Variants in GPC6 observed in about 807,000 individuals in gnomAD.
GPC6 encodes the protein glypican-6.
In GPC6, 14 loss-of-function variants were observed where a neutral mutation model predicts 55.2. The observed-to-expected ratio is 0.25, with a 90% confidence interval of 0.17 to 0.40. The LOEUF is 0.40. Among genes scored for constraint, GPC6 ranks in the 10% least tolerant of loss-of-function variants. GPC6 has a pLI of 1.00. For synonymous variants in GPC6, 278 were observed against 259.6 expected (o/e 1.07, Z -0.68); for missense variants, 641 against 708.5 (o/e 0.90, Z 1.08).
intron 4 of GPC6, among the ~76,000 whole-genome samples, chr13:94,071,645 GCCTTT>G (rs1884740059): frequency 6.6e-6 from 1 of 152,170 alleles, no homozygotes; most frequent in Admixed American, 6.5e-5. Context: ...AAACAGTAAT[GCCTTT>G]CCTTAGTGTA....
At chr13:94,223,557 C>A (rs963758690) in intron 4 of GPC6, among the ~76,000 whole-genome samples, 2 of 152,106 alleles carry the variant, frequency 1.3e-5, no homozygotes, top group African/African-American at 4.8e-5. Flanking sequence ...TGCTATTCTG[C>A]CAAGATGTTT....
intron 1 of GPC6, among the ~76,000 whole-genome samples, chr13:93,469,788 A>G (rs1416375390): frequency 6.6e-6 from 1 of 151,080 alleles, no homozygotes; most frequent in Non-Finnish European, 1.5e-5. Context: ...AATTTACACT[A>G]GGTTTTTTTT....
intron 2 of GPC6, among the ~76,000 whole-genome samples, chr13:93,765,988 G>C (rs997305365): frequency 4.6e-5 from 7 of 152,132 alleles, no homozygotes; most frequent in African/African-American, 1.4e-4. Context: ...TGAGCCATAA[G>C]TTTCAACTTT....
At chr13:93,654,036 A>T (rs1038808969) in intron 2 of GPC6, among the ~76,000 whole-genome samples, 2 of 152,266 alleles carry the variant, frequency 1.3e-5, no homozygotes, top group Non-Finnish European at 2.9e-5. Context: ...TGAATTTCAC[A>T]TGTTGTTTTA....
intron 2 of GPC6, among the ~76,000 whole-genome samples, chr13:93,713,628 T>C (rs1883148179): frequency 6.6e-6 from 1 of 151,692 alleles, no homozygotes; most frequent in African/African-American, 2.4e-5. Context: ...TGATTTTATG[T>C]CATTACTAGA....
chr13:93,750,233 T>C (rs1884530915), intron 2 of GPC6, among the ~76,000 whole-genome samples: 1 of 152,192 alleles, frequency 6.6e-6, no homozygotes, highest in African/African-American at 2.4e-5. Flanking sequence ...ATTCCAATGA[T>C]CACAGTGTGT....
chr13:93,379,958 C>CA (rs58011385), intron 1 of GPC6, among the ~76,000 whole-genome samples: 95 of 129,182 alleles, frequency 7.4e-4, no homozygotes, highest in African/African-American at 1.5e-3. Flanking sequence ...AATTCTGTCT[C>CA]AAAAAAAAAA....
At chr13:93,478,326 C>G (rs1045280615) in intron 1 of GPC6, among the ~76,000 whole-genome samples, 1 of 152,042 alleles carries the variant, frequency 6.6e-6, no homozygotes, top group African/African-American at 2.4e-5. Flanking sequence ...TTGAGAAGTA[C>G]AGGTTGAATA....
chr13:93,306,535 A>T (rs1878863218), intron 1 of GPC6, among the ~76,000 whole-genome samples: 1 of 152,150 alleles, frequency 6.6e-6, no homozygotes, highest in African/African-American at 2.4e-5. Context: ...CTAAATCTTA[A>T]AAGCAAAAGT....
chr13:93,547,739 A>C (rs1874906585), intron 2 of GPC6, among the ~76,000 whole-genome samples: 1 of 151,982 alleles, frequency 6.6e-6, no homozygotes. Flanking sequence ...AAAAAAAGAG[A>C]ATCTAAATGT....
intron 1 of GPC6, among the ~76,000 whole-genome samples, chr13:93,448,046 G>A (rs1878073951): frequency 6.6e-6 from 1 of 152,068 alleles, no homozygotes; most frequent in Admixed American, 6.5e-5. Context: ...CACCTATGCT[G>A]TATACTTTTC....
At chr13:93,322,858 A>G (rs904356603) in intron 1 of GPC6, among the ~76,000 whole-genome samples, 1 of 152,070 alleles carries the variant, frequency 6.6e-6, no homozygotes, top group Non-Finnish European at 1.5e-5. Flanking sequence ...TTAAATAGGT[A>G]TACGCGTGCC....
Position 93,250,313 on chromosome 13 carries a change from C to T in GPC6, c.160+22697C>T, listed in dbSNP as rs139613802. Among the ~76,000 whole-genome samples the T allele has an allele frequency of 3.6e-3, 552 of 152,308 alleles. 2 individuals carry two copies. The highest frequency in any genetic ancestry group is 0.012 in the African/African-American group (510 of 41,574). ...GTGATAAAGGAGTGACTCTTTCTCA[C>T]GAAAGAAAACTGAGGGTCCTAGGGC... is the stretch of plus-strand genomic sequence containing the variant. On this transcript the variant is annotated intron_variant, in intron 1 of 8. Coordinates refer to ENST00000377047, the MANE Select transcript of GPC6 (RefSeq NM_005708.5).
intron 3 of GPC6, among the ~76,000 whole-genome samples, chr13:93,974,948 A>G (rs1880450226): frequency 6.6e-6 from 1 of 152,196 alleles, no homozygotes; most frequent in African/African-American, 2.4e-5. Flanking sequence ...TCAGAAAGCC[A>G]GGATGCAGAG....
Position 93,273,620 on chromosome 13 carries a change from T to C in GPC6, c.160+46004T>C, listed in dbSNP as rs543274061. Among the ~76,000 whole-genome samples, 74 of 152,030 alleles carry C rather than the reference T, an allele frequency of 4.9e-4. No individual in the cohort carries two copies. In the South Asian group the frequency reaches 7.9e-3, roughly 16 times the overall value. ...TTGCAGTGAACCGAGATTGCGCCAC[T>C]GCACTCCAGCCTGGGCGACAGAGCG... is the stretch of plus-strand genomic sequence containing the variant. On this transcript the variant is annotated intron_variant, in intron 1 of 8. Coordinates refer to ENST00000377047, the MANE Select transcript of GPC6 (RefSeq NM_005708.5).
chr13:93,359,899 CAT>C (rs748189299), intron 1 of GPC6, among the ~76,000 whole-genome samples: 2 of 152,074 alleles, frequency 1.3e-5, no homozygotes, highest in Non-Finnish European at 2.9e-5. Context: ...GCAAAGAAAA[CAT>C]ATTTTAAAAA....
At chr13:93,386,552 G>C (rs1170950695) in intron 1 of GPC6, among the ~76,000 whole-genome samples, 1 of 152,178 alleles carries the variant, frequency 6.6e-6, no homozygotes, top group Non-Finnish European at 1.5e-5. Context: ...GGCCCAGAAA[G>C]AGGCTCTGAC....
chr13:93,264,634 A>G (rs9523983), intron 1 of GPC6, among the ~76,000 whole-genome samples: 28,518 of 152,002 alleles, frequency 0.19, 2,940 homozygotes, highest in South Asian at 0.3. Flanking sequence ...TTGAACTCCA[A>G]TGATCTTCCC....
intron 1 of GPC6, among the ~76,000 whole-genome samples, chr13:93,518,137 G>A (rs1469499007): frequency 6.6e-6 from 1 of 151,890 alleles, no homozygotes; most frequent in Non-Finnish European, 1.5e-5. Flanking sequence ...AGGAGCCTCA[G>A]AGCACAGGAG....
Sources: allele counts gnomAD v4.1 joint callset (sites outside exome capture counted in the v4.1 genomes callset), GRCh38; gene constraint gnomAD v4.1.1; transcripts MANE v1.5; gene names NCBI Gene and HGNC (gene_info 2026-07-23, HGNC 2026-07-21).